Variants in LRP1B observed in about 807,000 individuals in gnomAD.
LRP1B encodes low-density lipoprotein receptor-related protein 1B.
A neutral mutation model predicts 556.6 loss-of-function variants in LRP1B; 217 were observed. That is an observed-to-expected ratio of 0.39 (90% CI 0.35 to 0.44). The LOEUF (loss-of-function observed/expected upper bound fraction) is 0.44, where lower values mean the gene tolerates loss of function less well. Ranked by LOEUF, LRP1B falls within the 20% of genes least tolerant of loss-of-function variation. The pLI is 1.00. For synonymous variants in LRP1B, 2,047 were observed against 1,865.8 expected (o/e 1.10, Z -2.50); for missense variants, 5,053 against 5,620.8 (o/e 0.90, Z 3.23).
At chr2:140,292,214 T>C (rs1368137371) in intron 84 of LRP1B, among the ~76,000 whole-genome samples, 1 of 152,162 alleles carries the variant, frequency 6.6e-6, no homozygotes, top group East Asian at 1.9e-4. Context: ...TGTTGGCACT[T>C]GCAAATTTGG....
chr2:140,939,314 T>A (rs1695324238), intron 20 of LRP1B, among the ~76,000 whole-genome samples: 1 of 151,632 alleles, frequency 6.6e-6, no homozygotes, highest in Non-Finnish European at 1.5e-5. Flanking sequence ...AATGCATGAA[T>A]GAGTAAATGA....
intron 2 of LRP1B, among the ~76,000 whole-genome samples, chr2:141,747,219 A>T (rs77901909): frequency 0.073 from 11,060 of 152,286 alleles, 543 homozygotes; most frequent in Middle Eastern, 0.12. Context: ...AGAAAACTAC[A>T]TCCTAAATCC....
intron 29 of LRP1B, 84 bp from the exon 30 acceptor site, chr2:140,841,176 G>A: frequency 7.1e-6 from 6 of 841,270 alleles, no homozygotes; most frequent in South Asian, 2.2e-5. Context: ...TCTATCTAAG[G>A]GAAAATTTAA....
chr2:140,839,134 G>A (rs1692015293), intron 31 of LRP1B, among the ~76,000 whole-genome samples: 2 of 152,154 alleles, frequency 1.3e-5, no homozygotes, highest in South Asian at 4.1e-4. Context: ...AGACTCAGTA[G>A]TTATACTGCC....
intron 35 of LRP1B, among the ~76,000 whole-genome samples, chr2:140,748,409 TCA>T: frequency 1.2e-5 from 1 of 83,460 alleles, no homozygotes; most frequent in Admixed American, 1.6e-4. Flanking sequence ...TATATTATAT[TCA>T]TATATAATAT....
chr2:141,086,615 T>C (rs1414536922), intron 7 of LRP1B, among the ~76,000 whole-genome samples: 1 of 82,808 alleles, frequency 1.2e-5, no homozygotes, highest in African/African-American at 4.2e-5. Flanking sequence ...GTTAGTATAA[T>C]ATTTGTGTGT....
At chr2:140,782,473 A>G (rs1036023455) in intron 32 of LRP1B, among the ~76,000 whole-genome samples, 4 of 152,136 alleles carry the variant, frequency 2.6e-5, no homozygotes, top group Non-Finnish European at 5.9e-5. Context: ...TCTACAAATA[A>G]GGAGAGTGAC....
intron 4 of LRP1B, among the ~76,000 whole-genome samples, chr2:141,248,481 G>T (rs2105329948): frequency 6.6e-6 from 1 of 152,272 alleles, no homozygotes; most frequent in Non-Finnish European, 1.5e-5. Flanking sequence ...TGTGAAGCGT[G>T]ATCTGGCTTT....
intron 2 of LRP1B, among the ~76,000 whole-genome samples, chr2:141,782,998 T>G (rs1050352256): frequency 2.0e-5 from 3 of 152,076 alleles, no homozygotes; most frequent in African/African-American, 7.2e-5. Flanking sequence ...AATCAGAGAA[T>G]GTTAAGCCTG....
intron 5 of LRP1B, among the ~76,000 whole-genome samples, chr2:141,230,645 T>A (rs1467444457): frequency 1.3e-5 from 2 of 152,198 alleles, no homozygotes; most frequent in Non-Finnish European, 2.9e-5. Context: ...CTCTTGTTCG[T>A]CTCACTCCAG....
At chr2:140,459,506 T>C (rs1262026749) in intron 60 of LRP1B, among the ~76,000 whole-genome samples, 1 of 152,198 alleles carries the variant, frequency 6.6e-6, no homozygotes, top group Admixed American at 6.6e-5. Flanking sequence ...AGTTTACTTT[T>C]GTAAGAAAAA....
chr2:140,361,341 C>CATATATATAT (rs67208978), intron 72 of LRP1B, among the ~76,000 whole-genome samples: 1,142 of 30,588 alleles, frequency 0.037, 88 homozygotes, highest in Middle Eastern at 0.056. Flanking sequence ...ACTTGGAAAG[C>CATATATATAT]ATATATATAT....
chr2:140,730,160 C>G (rs1687728225), intron 35 of LRP1B, among the ~76,000 whole-genome samples: 1 of 152,196 alleles, frequency 6.6e-6, no homozygotes. Flanking sequence ...CAGGTTCTCA[C>G]CATCTCTATT....
At chr2:140,932,861 G>C (rs1695089501) in intron 20 of LRP1B, among the ~76,000 whole-genome samples, 1 of 132,896 alleles carries the variant, frequency 7.5e-6, no homozygotes, top group South Asian at 2.7e-4. Flanking sequence ...GGGTGAAAGA[G>C]TGAGACACTC....
At chr2:142,116,142 G>A (rs544356374) in intron 1 of LRP1B, among the ~76,000 whole-genome samples, 1 of 126,486 alleles carries the variant, frequency 7.9e-6, no homozygotes, top group Non-Finnish European at 1.6e-5. Flanking sequence ...GGAGTGAGCT[G>A]AGACCGCAAC....
At chr2:142,127,175 C>A (rs1217095703) in intron 1 of LRP1B, among the ~76,000 whole-genome samples, 1 of 151,908 alleles carries the variant, frequency 6.6e-6, no homozygotes, top group Non-Finnish European at 1.5e-5. Context: ...ATTCTCATGT[C>A]TCTCTCCATT....
chr2:142,055,291 G>A (rs1250263570), intron 1 of LRP1B, among the ~76,000 whole-genome samples: 1 of 152,110 alleles, frequency 6.6e-6, no homozygotes, highest in Non-Finnish European at 1.5e-5. Context: ...TCCCTCCATG[G>A]TGGGACCACT....
intron 2 of LRP1B, among the ~76,000 whole-genome samples, chr2:141,638,982 T>A (rs1689207280): frequency 3.2e-5 from 2 of 61,778 alleles, no homozygotes; most frequent in African/African-American, 5.7e-5. Flanking sequence ...TACCTTAGAG[T>A]CTCAAAAAAA....
intron 1 of LRP1B, among the ~76,000 whole-genome samples, chr2:142,083,196 A>C (rs1211855402): frequency 1.3e-5 from 2 of 152,184 alleles, no homozygotes; most frequent in Non-Finnish European, 2.9e-5. Context: ...ATGACCAAGG[A>C]GTTTATGTGT....
Sources: allele counts gnomAD v4.1 joint callset (sites outside exome capture counted in the v4.1 genomes callset), GRCh38; gene constraint gnomAD v4.1.1; transcripts MANE v1.5; gene names NCBI Gene and HGNC (gene_info 2026-07-23, HGNC 2026-07-21).